The following SGTA variants were observed in gnomAD, a reference collection of about 807,000 sequenced individuals.
The protein encoded by SGTA is small glutamine rich tetratricopeptide repeat co-chaperone alpha, also known as small glutamine-rich tetratricopeptide repeat-containing protein alpha.
SGTA carries 22 observed loss-of-function variants against 44.3 expected under a neutral mutation model. That is an observed-to-expected ratio of 0.50 (90% CI 0.36 to 0.71). The LOEUF is 0.71. Among genes scored for constraint, SGTA ranks in the 30% least tolerant of loss-of-function variants. The pLI is 0.00. For missense variants in SGTA, 341 were observed against 435.9 expected, an observed-to-expected ratio of 0.78 and a Z score of 1.94; for synonymous variants, 174 against 177.6, an observed-to-expected ratio of 0.98 and a Z score of 0.16.
chr19:2,757,163 C>T (rs1205356111), intron 11 of SGTA, among the ~76,000 whole-genome samples, 174 bp downstream of exon 11: 1 of 152,228 alleles, frequency 6.6e-6, no homozygotes, highest in Non-Finnish European at 1.5e-5. Flanking sequence ...CCCCCACCTG[C>T]CTGGGCGGTT....
chr19:2,763,459 C>T lies in SGTA; in HGVS notation c.497+194G>A, dbSNP rs372133453. ...AGGGATCTCCGGGTGGCACCTGATG[C>T]GGGGCGTCTGTGGGGCTGAGCCTGT... On this transcript the variant is annotated intron_variant, in intron 6 of 11. Transcript: ENST00000221566. The surrounding 1 kb of genome is among the most constrained non-coding windows in gnomAD (Gnocchi z 5.8). Among the ~76,000 whole-genome samples the T allele has an allele frequency of 6.6e-6, 1 of 152,100 alleles. No homozygotes were observed. The highest frequency in any genetic ancestry group is 1.9e-4 in the East Asian group (1 of 5,186).
chr19:2,763,865 C>A lies in SGTA; in HGVS notation c.393-108G>T. 1.3e-6 allele frequency: 1 copy of A among 797,100 alleles called. No homozygotes were observed. Among genetic ancestry groups the A allele is most frequent in the Non-Finnish European group, 2.0e-6 (1 of 502,840 alleles). 49.4% of individuals were successfully genotyped at this position (797,100 alleles called of 1,614,324 possible). A position where few individuals can be genotyped will look rare whatever the true frequency, so the allele number is the denominator to read the frequency against. On this transcript the variant is annotated intron_variant, in intron 5 of 11. Coordinates refer to ENST00000221566, the MANE Select transcript of SGTA (RefSeq NM_003021.4). This position sits in a 1 kb window ranked among gnomAD's most constrained non-coding sequence, Gnocchi z 5.8. ...GTTCCTCTCCAACTTCCTGGAGGAA[C>A]GGCCTCAGTTTTCCCCATCTGTAAA...
Position 2,783,256 on chromosome 19 carries a change from C to A in SGTA, c.-47G>T, listed in dbSNP as rs563144368. 1 of 152,282 alleles carries A rather than the reference C, an allele frequency of 6.6e-6. No homozygotes were observed. Among genetic ancestry groups the A allele is most frequent in the Non-Finnish European group, 1.5e-5 (1 of 68,058 alleles). The allele number at this position is 152,282 out of a possible 1,614,324, so 9.4% of individuals were successfully genotyped here. On this transcript the variant is annotated 5_prime_UTR_variant, in exon 1 of 12. Coordinates refer to ENST00000221566, the MANE Select transcript of SGTA (RefSeq NM_003021.4). ...ACCTCTCAGGCGACCGATCCCCGAC[C>A]CACCGACGGTTGCGCTTGCGCACCG...
chr19:2,763,078 G>A lies in SGTA; in HGVS notation c.498-434C>T, dbSNP rs1028325517. Among the ~76,000 whole-genome samples the A allele has an allele frequency of 6.6e-6, 1 of 152,176 alleles. No individual in the cohort carries two copies. Among genetic ancestry groups the A allele is most frequent in the African/African-American group, 2.4e-5 (1 of 41,456 alleles). ...CCCCCACCTGAGTGAGTCTTCACTC[G>A]TGAGGTGACTCAGGGCCCCTACAGA... On this transcript the variant is annotated intron_variant, in intron 6 of 11. Coordinates refer to ENST00000221566, the MANE Select transcript of SGTA (RefSeq NM_003021.4). The surrounding 1 kb of genome is among the most constrained non-coding windows in gnomAD (Gnocchi z 5.8).
At chr19:2,762,338 C>G (rs1461047788) in intron 7 of SGTA, among the ~76,000 whole-genome samples, 168 bp downstream of exon 7, 1 of 152,332 alleles carries the variant, frequency 6.6e-6, no homozygotes, top group East Asian at 1.9e-4. Flanking sequence ...CATGAACCTT[C>G]TCACGACACT....
rs76470965 is a variant in SGTA, at chr19:2,755,932, A to G, written c.*8T>C. 5,635 of 985,926 alleles carry G rather than the reference A, an allele frequency of 5.7e-3. 130 individuals are homozygous for G. In the African/African-American group the frequency reaches 0.066, roughly 12 times the overall value. 61.1% of individuals were successfully genotyped at this position (985,926 alleles called of 1,614,324 possible). A position where few individuals can be genotyped will look rare whatever the true frequency, so the allele number is the denominator to read the frequency against. ...GGAAGGACGCGGTCACACCGGGAGCAGCTGGAAGGGGACAGACATGAAGGC... is the reference window on the plus strand; with the variant it reads ...GGAAGGACGCGGTCACACCGGGAGCGGCTGGAAGGGGACAGACATGAAGGC... On this transcript the variant is annotated splice_region_variant and 3_prime_UTR_variant, in exon 12 of 12. Transcript: ENST00000221566. The surrounding 1 kb of genome is among the most constrained non-coding windows in gnomAD (Gnocchi z 5.2).
In SGTA at chr19:2,767,210, T is replaced by A. The variant is rs769646907; in HGVS notation, c.218A>T (p.Gln73Leu). Residue 73 changes from glutamine to leucine, a missense_variant, in exon 4 of 12, where the codon CAG becomes CTG. Transcript: ENST00000221566. This position sits in a 1 kb window ranked among gnomAD's most constrained non-coding sequence, Gnocchi z 7.3. ...EAAATGKEMP[Q>L]DLRSPARTPP... ...GGTTCGCGCGGGGCTCCTCAGGTCCTGCGGCATCTCCTGGACCCGGAGGCA... is the reference window on the plus strand; with the variant it reads ...GGTTCGCGCGGGGCTCCTCAGGTCCAGCGGCATCTCCTGGACCCGGAGGCA... 1.4e-5 allele frequency: 23 copies of A among 1,610,186 alleles called. No individual in the cohort carries two copies. Among genetic ancestry groups the A allele is most frequent in the Non-Finnish European group, 1.9e-5 (22 of 1,178,682 alleles).
rs1027305036 is a variant in SGTA, at chr19:2,755,966, C to A, written c.*7-33G>T. 5 of 983,952 alleles carry A rather than the reference C, an allele frequency of 5.1e-6. No homozygotes were observed. The highest frequency in any genetic ancestry group is 6.0e-6 in the Non-Finnish European group (5 of 828,634). 61.0% of individuals were successfully genotyped at this position (983,952 alleles called of 1,614,324 possible). On this transcript the variant is annotated intron_variant, in intron 11 of 11. Coordinates refer to ENST00000221566, the MANE Select transcript of SGTA (RefSeq NM_003021.4). The surrounding 1 kb of genome is among the most constrained non-coding windows in gnomAD (Gnocchi z 5.2). Reference sequence around the variant, plus strand: ...GGGACAGACATGAAGGCTGTCAGAGCGCAGGTGGGGACCAAGGCTGCACCA... The same window carrying A: ...GGGACAGACATGAAGGCTGTCAGAGAGCAGGTGGGGACCAAGGCTGCACCA...
chr19:2,771,049 T>C lies in SGTA; in HGVS notation c.-23-1958A>G, dbSNP rs567744254. On this transcript the variant is annotated intron_variant, in intron 1 of 11. Coordinates refer to ENST00000221566, the MANE Select transcript of SGTA (RefSeq NM_003021.4). ...CATGTCTGTAAAATGGGGAGCTCCA[T>C]TGTGGCTGCTGTCAGGGGTCGGGGA... Among the ~76,000 whole-genome samples, 49 of 152,344 alleles carry C rather than the reference T, an allele frequency of 3.2e-4. No individual in the cohort carries two copies. The East Asian group carries it at 7.3e-3, about 23-fold the overall frequency.
chr19:2,779,222 CCTT>C (rs1218600214), intron 1 of SGTA, among the ~76,000 whole-genome samples: 1 of 152,128 alleles, frequency 6.6e-6, no homozygotes, highest in Non-Finnish European at 1.5e-5. Context: ...TTTCTGAAAA[CCTT>C]CTGCTTGTAG....
intron 10 of SGTA, 98 bp from the exon 11 acceptor site, chr19:2,757,555 C>T: frequency 6.6e-7 from 1 of 1,510,476 alleles, no homozygotes; most frequent in South Asian, 1.2e-5. Flanking sequence ...ACCCCAAAGA[C>T]AGGCCTGACC....
chr19:2,773,976 A>G (rs1236415535), intron 1 of SGTA, among the ~76,000 whole-genome samples: 2 of 136,218 alleles, frequency 1.5e-5, no homozygotes, highest in Non-Finnish European at 3.2e-5. Flanking sequence ...GCCACAGGGC[A>G]GGGACACCGA....
rs1394863238 is a variant in SGTA at position 2,759,644 on chromosome 19, G to T, written c.700-350C>A. On this transcript the variant is annotated intron_variant, in intron 8 of 11. Transcript: ENST00000221566. ...TTAGCATATTTCATTTAGCATATTT[G>T]GTTCCAGTTTTGCTCTATCAATAAA... 1.8e-5 allele frequency: 5 copies of T among 279,460 alleles called. No individual in the cohort carries two copies. The East Asian group carries it at 4.2e-4, about 23-fold the overall frequency. The allele number at this position is 279,460 out of a possible 1,614,324, so 17.3% of individuals were successfully genotyped here. A position where few individuals can be genotyped will look rare whatever the true frequency, so the allele number is the denominator to read the frequency against.
chr19:2,772,446 T>G (rs1302043431), intron 1 of SGTA, among the ~76,000 whole-genome samples: 1 of 152,032 alleles, frequency 6.6e-6, no homozygotes, highest in Non-Finnish European at 1.5e-5. Flanking sequence ...GTGCAAGGGG[T>G]CTCTGCCGCC....
At chr19:2,758,742 T>G (rs1914902310) in intron 9 of SGTA, among the ~76,000 whole-genome samples, 1 of 152,110 alleles carries the variant, frequency 6.6e-6, no homozygotes, top group Non-Finnish European at 1.5e-5. Flanking sequence ...CAAATGTCCA[T>G]GGATAGATGT....
At chr19:2,768,268 A>T (rs1466507154) in intron 2 of SGTA, among the ~76,000 whole-genome samples, 1 of 151,912 alleles carries the variant, frequency 6.6e-6, no homozygotes, top group African/African-American at 2.4e-5. Flanking sequence ...CCTCGTGTGG[A>T]CCCAGGGTCC....
In SGTA at chr19:2,755,951, T is replaced by C. The variant is rs961020342; in HGVS notation, c.*7-18A>G. 20 of 985,296 alleles carry C rather than the reference T, an allele frequency of 2.0e-5. No individual in the cohort carries two copies. The highest frequency in any genetic ancestry group is 4.7e-5 in the South Asian group (1 of 21,254). The allele number at this position is 985,296 out of a possible 1,614,324, so 61.0% of individuals were successfully genotyped here. A position where few individuals can be genotyped will look rare whatever the true frequency, so the allele number is the denominator to read the frequency against. On this transcript the variant is annotated intron_variant, in intron 11 of 11. Coordinates refer to ENST00000221566, the MANE Select transcript of SGTA (RefSeq NM_003021.4). This position sits in a 1 kb window ranked among gnomAD's most constrained non-coding sequence, Gnocchi z 5.2. ...GGGAGCAGCTGGAAGGGGACAGACA[T>C]GAAGGCTGTCAGAGCGCAGGTGGGG...
In SGTA at chr19:2,763,465, G is replaced by T. The variant is rs1024469541; in HGVS notation, c.497+188C>A. On this transcript the variant is annotated intron_variant, in intron 6 of 11. Coordinates refer to ENST00000221566, the MANE Select transcript of SGTA (RefSeq NM_003021.4). The surrounding 1 kb of genome is among the most constrained non-coding windows in gnomAD (Gnocchi z 5.8). ...CTCCGGGTGGCACCTGATGCGGGGC[G>T]TCTGTGGGGCTGAGCCTGTGACCTG... 6.6e-6 allele frequency among the ~76,000 whole-genome samples: 1 copy of T among 152,172 alleles called. No homozygotes were observed. Among genetic ancestry groups the T allele is most frequent in the Non-Finnish European group, 1.5e-5 (1 of 68,042 alleles).
intron 5 of SGTA, among the ~76,000 whole-genome samples, chr19:2,764,721 T>C (rs1915091537): frequency 6.6e-6 from 1 of 152,108 alleles, no homozygotes; most frequent in Non-Finnish European, 1.5e-5. Flanking sequence ...TGCCCACCAC[T>C]ACACCCGGCT....
Sources: allele counts gnomAD v4.1 joint callset (sites outside exome capture counted in the v4.1 genomes callset), GRCh38; gene constraint gnomAD v4.1.1; non-coding constraint Gnocchi (gnomAD v3.1); transcripts MANE v1.5; gene names NCBI Gene and HGNC (gene_info 2026-07-23, HGNC 2026-07-21).